ACACB: variants seen among roughly 807,000 people sequenced by gnomAD.
ACACB encodes the protein acetyl-CoA carboxylase 2.
A neutral mutation model predicts 278.8 loss-of-function variants in ACACB; 209 were observed. The observed-to-expected ratio is 0.75, with a 90% CI of 0.67 to 0.84. ACACB has a LOEUF of 0.84. ACACB is among the 40% of genes least tolerant of loss of function. The pLI is 0.00. For missense variants in ACACB, 2,850 were observed against 3,269.0 expected (o/e 0.87, Z 3.13); for synonymous variants, 1,174 against 1,285.6 (o/e 0.91, Z 1.86).
chr12:109,156,934 A>G (rs550492947), intron 2 of ACACB, among the ~76,000 whole-genome samples: 1 of 152,082 alleles, frequency 6.6e-6, no homozygotes, highest in South Asian at 2.1e-4. Flanking sequence ...GTGTGGTCTC[A>G]TGCCATCTTC....
intron 19 of ACACB, among the ~76,000 whole-genome samples, chr12:109,204,222 C>T (rs55860287): frequency 0.063 from 9,435 of 148,962 alleles, 680 homozygotes; most frequent in African/African-American, 0.18. Context: ...AATGTACAGT[C>T]GATTTTAATT....
intron 1 of ACACB, among the ~76,000 whole-genome samples, chr12:109,128,064 A>C (rs987111246): frequency 2.0e-5 from 3 of 152,088 alleles, no homozygotes; most frequent in African/African-American, 7.2e-5. Context: ...GATGCTCTTT[A>C]CTTTTTGCTC....
chr12:109,208,358 G>A (rs1388902638), intron 20 of ACACB, among the ~76,000 whole-genome samples: 1 of 151,852 alleles, frequency 6.6e-6, no homozygotes, highest in Non-Finnish European at 1.5e-5. Flanking sequence ...TGGGGTTACA[G>A]GTGCCTGCCA....
intron 43 of ACACB, among the ~76,000 whole-genome samples, chr12:109,253,985 C>T (rs1030003307): frequency 6.6e-6 from 1 of 152,218 alleles, no homozygotes; most frequent in Non-Finnish European, 1.5e-5. Context: ...GTGACACCAT[C>T]TGAACCGGGA....
intron 2 of ACACB, 107 bp from the exon 3 acceptor site, chr12:109,166,754 G>C (rs957255389): frequency 5.6e-6 from 8 of 1,426,500 alleles, no homozygotes; most frequent in Non-Finnish European, 7.7e-6. Flanking sequence ...AAGCAGGGGG[G>C]CTCTGGTGCA....
At chr12:109,240,085 A>G (rs969461899) in intron 35 of ACACB, 100 bp downstream of exon 35, 1 of 1,404,980 alleles carries the variant, frequency 7.1e-7, no homozygotes, top group Non-Finnish European at 9.7e-7. Flanking sequence ...CCTGGGTTCC[A>G]GGATGAAACC....
At chr12:109,213,832 C>T (rs1565932738) in intron 22 of ACACB, among the ~76,000 whole-genome samples, 1 of 151,716 alleles carries the variant, frequency 6.6e-6, no homozygotes, top group Non-Finnish European at 1.5e-5. Flanking sequence ...AATCTCCTGA[C>T]CTCGTGATCC....
rs547982339 is a variant in ACACB at position 109,245,699 on chromosome 12, A to G, written c.5252A>G (p.Asp1751Gly). ...DILTYTELVL[D>G]SQGQLVEMNR... ...CTGACATACACTGAATTAGTGTTGG[A>G]CTCTCAGGGCCAGCTGGTGGAGATG... Residue 1751 changes from aspartate (D) to glycine (G), a missense_variant, in exon 38 of 53, where the codon GAC (aspartate) becomes GGC (glycine). Coordinates refer to ENST00000338432, the MANE Select transcript of ACACB (RefSeq NM_001093.4). 55 of 1,614,094 alleles carry G rather than the reference A, an allele frequency of 3.4e-5. No individual in the cohort carries two copies. In the South Asian group the frequency reaches 6.0e-4, roughly 18 times the overall value.
chr12:109,197,182 G>T (rs780350940), intron 17 of ACACB, 29 bp downstream of exon 17: 2 of 1,591,232 alleles, frequency 1.3e-6, no homozygotes, highest in African/African-American at 2.7e-5. Flanking sequence ...CCCACTGTGG[G>T]CTGGGCATGC....
Position 109,158,329 on chromosome 12 carries a change from A to G in ACACB, c.654-8532A>G, listed in dbSNP as rs1009984153. 2.0e-5 allele frequency among the ~76,000 whole-genome samples: 3 copies of G among 151,276 alleles called. No homozygotes were observed. The Admixed American group carries it at 2.0e-4, about 10-fold the overall frequency. ...TTATAGATGGGGAAATTCAAAGTTC[A>G]TATAATTTTTATGTGTCACAAAACA... On this transcript the variant is annotated intron_variant, in intron 2 of 52. Transcript: ENST00000338432.
intron 41 of ACACB, among the ~76,000 whole-genome samples, chr12:109,251,102 T>C (rs548670816): frequency 6.4e-4 from 97 of 152,302 alleles, no homozygotes; most frequent in African/African-American, 2.3e-3. Context: ...AAGGGCACGG[T>C]ACCAGATAAA....
At chr12:109,242,744 TC>T in intron 37 of ACACB, 152 bp downstream of exon 37, 1 of 859,638 alleles carries the variant, frequency 1.2e-6, no homozygotes, top group Non-Finnish European at 1.7e-6. Context: ...TCCCAGCACT[TC>T]GGGAGGCCGA....
At chr12:109,126,445 G>A (rs1015713868) in intron 1 of ACACB, among the ~76,000 whole-genome samples, 2 of 152,180 alleles carry the variant, frequency 1.3e-5, no homozygotes, top group African/African-American at 4.8e-5. Flanking sequence ...AACTTTGGGA[G>A]GAAGAGGTGG....
intron 13 of ACACB, among the ~76,000 whole-genome samples, chr12:109,189,047 C>T (rs2044770988): frequency 1.3e-5 from 2 of 152,222 alleles, no homozygotes; most frequent in African/African-American, 2.4e-5. Flanking sequence ...TTCTGCAGAG[C>T]TGAGAAGCCC....
chr12:109,134,660 G>C (rs563896484), intron 1 of ACACB, among the ~76,000 whole-genome samples: 2 of 152,306 alleles, frequency 1.3e-5, no homozygotes, highest in Admixed American at 1.3e-4. Context: ...GAGGTTCCTA[G>C]CTCACCATTC....
intron 48 of ACACB, among the ~76,000 whole-genome samples, chr12:109,261,348 G>A (rs2047370787): frequency 6.6e-6 from 1 of 152,282 alleles, no homozygotes; most frequent in East Asian, 1.9e-4. Flanking sequence ...ATGATATGGT[G>A]GCAAATGGGC....
chr12:109,185,572 A>G lies in ACACB; in HGVS notation c.1819-7A>G, dbSNP rs1012220511. On this transcript the variant is annotated splice_region_variant and splice_polypyrimidine_tract_variant and intron_variant, in intron 11 of 52. Transcript: ENST00000338432. ...GACAGTCTGTGGGTTGGATCTCTTG[A>G]TTTTAGATCGCCATGGGCGTGCCAC... 1.2e-6 allele frequency: 2 copies of G among 1,613,134 alleles called. No individual in the cohort carries two copies. Among genetic ancestry groups the G allele is most frequent in the Non-Finnish European group, 1.7e-6 (2 of 1,179,962 alleles).
At chr12:109,199,614 TC>T in intron 18 of ACACB, 62 bp downstream of exon 18, 2 of 1,346,522 alleles carry the variant, frequency 1.5e-6, no homozygotes, top group Non-Finnish European at 1.9e-6. Flanking sequence ...TCTGGCTTTG[TC>T]CCATGTCTGA....
At chr12:109,145,315 AT>A (rs1232807790) in intron 2 of ACACB, among the ~76,000 whole-genome samples, 1 of 152,114 alleles carries the variant, frequency 6.6e-6, no homozygotes, top group African/African-American at 2.4e-5. Flanking sequence ...TTTTGTTTTA[AT>A]TTTTTAGATT....
Sources: allele counts gnomAD v4.1 joint callset (sites outside exome capture counted in the v4.1 genomes callset), GRCh38; gene constraint gnomAD v4.1.1; transcripts MANE v1.5; gene names NCBI Gene and HGNC (gene_info 2026-07-23, HGNC 2026-07-21).